CACNA2D3: variants seen among roughly 807,000 people sequenced by gnomAD.
The protein encoded by CACNA2D3 is voltage-dependent calcium channel subunit alpha-2/delta-3.
In CACNA2D3, 60 loss-of-function variants were observed where a neutral mutation model predicts 160.6. The ratio of observed to expected loss-of-function variants is 0.37; its 90% CI spans 0.30 to 0.46. The LOEUF (loss-of-function observed/expected upper bound fraction) is 0.46. Ranked by LOEUF, CACNA2D3 falls within the 20% of genes least tolerant of loss-of-function variation. The probability of loss-of-function intolerance (pLI) is 1.00; values close to 1 mark genes in which losing one functional copy is unlikely to be tolerated. For synonymous variants in CACNA2D3, 558 were observed against 492.9 expected, an observed-to-expected ratio of 1.13 and a Z score of -1.75; for missense variants, 1,205 against 1,365.0, an observed-to-expected ratio of 0.88 and a Z score of 1.85.
chr3:54,993,885 AGTGTGTGTGT>A (rs34012508), intron 31 of CACNA2D3, among the ~76,000 whole-genome samples: 293 of 111,544 alleles, frequency 2.6e-3, no homozygotes, highest in East Asian at 0.012. Flanking sequence ...TGCAACTGCT[AGTGTGTGTGT>A]GTGTGTGTGT....
At chr3:54,970,948 C>T (rs904409434) in intron 29 of CACNA2D3, among the ~76,000 whole-genome samples, 15 of 151,876 alleles carry the variant, frequency 9.9e-5, no homozygotes, top group Admixed American at 9.8e-4. Context: ...ACAATTTCAA[C>T]CCAGAAAACA....
At chr3:54,596,695 C>T (rs1702961335) in intron 9 of CACNA2D3, among the ~76,000 whole-genome samples, 1 of 152,082 alleles carries the variant, frequency 6.6e-6, no homozygotes, top group South Asian at 2.1e-4. Flanking sequence ...CCTGATCCAG[C>T]CAAATCAAAA....
intron 4 of CACNA2D3, among the ~76,000 whole-genome samples, chr3:54,445,008 G>A (rs1458801655): frequency 6.6e-6 from 1 of 152,210 alleles, no homozygotes; most frequent in Non-Finnish European, 1.5e-5. Context: ...CCTGCCATGA[G>A]GGAGTCTCAG....
chr3:54,231,186 AG>A (rs1279410667), intron 2 of CACNA2D3, among the ~76,000 whole-genome samples: 2 of 152,134 alleles, frequency 1.3e-5, no homozygotes, highest in Non-Finnish European at 2.9e-5. Context: ...TAGGGTCTCT[AG>A]GAAGTGGGTG....
At chr3:54,574,510 C>T (rs1223398253) in intron 8 of CACNA2D3, among the ~76,000 whole-genome samples, 1 of 152,142 alleles carries the variant, frequency 6.6e-6, no homozygotes, top group Non-Finnish European at 1.5e-5. Flanking sequence ...CAAGATCTAT[C>T]TAAAATGGAC....
At chr3:54,687,947 T>C (rs558911835) in intron 11 of CACNA2D3, among the ~76,000 whole-genome samples, 25 of 152,332 alleles carry the variant, frequency 1.6e-4, no homozygotes, top group Admixed American at 3.9e-4. Context: ...AACAGGTTTT[T>C]TTTGTTTTGT....
chr3:54,846,235 G>C (rs1441908743), intron 16 of CACNA2D3, among the ~76,000 whole-genome samples, 158 bp from the exon 17 acceptor site: 1 of 152,218 alleles, frequency 6.6e-6, no homozygotes, highest in Non-Finnish European at 1.5e-5. Context: ...AAATGTCAAG[G>C]ATCAGTGCCT....
intron 35 of CACNA2D3, among the ~76,000 whole-genome samples, chr3:55,068,238 G>A (rs1284772184): frequency 6.6e-6 from 1 of 152,210 alleles, no homozygotes; most frequent in African/African-American, 2.4e-5. Context: ...TTATCTGTGT[G>A]TCTCAGGCAG....
chr3:54,429,950 T>C (rs905640633), intron 4 of CACNA2D3, among the ~76,000 whole-genome samples: 1 of 152,194 alleles, frequency 6.6e-6, no homozygotes, highest in Non-Finnish European at 1.5e-5. Context: ...TCTAATTCCC[T>C]GATGATAATC....
At chr3:54,606,504 A>G (rs1698628169) in intron 9 of CACNA2D3, among the ~76,000 whole-genome samples, 1 of 152,078 alleles carries the variant, frequency 6.6e-6, no homozygotes, top group Non-Finnish European at 1.5e-5. Context: ...AGGTGACAGG[A>G]CTTGCTGGCT....
At chr3:54,373,880 G>A (rs892850030) in intron 3 of CACNA2D3, among the ~76,000 whole-genome samples, 7 of 151,992 alleles carry the variant, frequency 4.6e-5, no homozygotes, top group African/African-American at 7.3e-5. Flanking sequence ...GGCCCAAATC[G>A]GTTTCTCAAT....
intron 2 of CACNA2D3, among the ~76,000 whole-genome samples, chr3:54,169,681 GTGTA>G (rs951579771): frequency 1.4e-5 from 2 of 146,920 alleles, no homozygotes; most frequent in Non-Finnish European, 3.0e-5. Context: ...TTGTATGTGT[GTGTA>G]TGTGTGTGCA....
At position 55,033,864 on chromosome 3, in the gene CACNA2D3, A is replaced by ATATATATTATATATTAAATATATTTT. The variant is rs1559469657; in HGVS notation, c.2987+15553_2987+15554insTTATATATTAAATATATTTTTATATA. On this transcript the variant is annotated intron_variant, in intron 35 of 37. Transcript: ENST00000474759. The stretch of plus-strand genomic sequence containing the variant: ...ATATATTACATATTAAATATATTTA[A>ATATATATTATATATTAAATATATTTT]TATATAATATATATTACATATTAAG... Among the ~76,000 whole-genome samples, 14 of 91,624 alleles carry ATATATATTATATATTAAATATATTTT rather than the reference A, an allele frequency of 1.5e-4. 1 individual carries two copies. Among genetic ancestry groups the ATATATATTATATATTAAATATATTTT allele is most frequent in the East Asian group, 1.4e-3 (4 of 2,794 alleles). The allele number at this position is 91,624 out of a possible 152,430, so 60.1% of individuals were successfully genotyped here. A position where few individuals can be genotyped will look rare whatever the true frequency, so the allele number is the denominator to read the frequency against.
chr3:54,455,562 G>T (rs1700383507), intron 4 of CACNA2D3, among the ~76,000 whole-genome samples: 1 of 152,014 alleles, frequency 6.6e-6, no homozygotes, highest in South Asian at 2.1e-4. Flanking sequence ...TTGCTGTGCA[G>T]AAGTATTTTA....
intron 11 of CACNA2D3, among the ~76,000 whole-genome samples, chr3:54,685,352 G>C (rs1178531042): frequency 1.3e-5 from 2 of 152,220 alleles, no homozygotes; most frequent in Non-Finnish European, 1.5e-5. Flanking sequence ...TGCTACTGTA[G>C]CATTAAAGCA....
intron 27 of CACNA2D3, among the ~76,000 whole-genome samples, chr3:54,929,395 T>C (rs77714984): frequency 0.037 from 5,614 of 152,278 alleles, 308 homozygotes; most frequent in African/African-American, 0.12. Context: ...GAGGGAGGTC[T>C]TGACAGAGGG....
intron 27 of CACNA2D3, among the ~76,000 whole-genome samples, chr3:54,930,153 A>G (rs920943788): frequency 6.6e-6 from 1 of 152,224 alleles, no homozygotes; most frequent in Non-Finnish European, 1.5e-5. Context: ...AGGTAGAGGC[A>G]TAGATCGGCC....
At chr3:54,653,705 G>T (rs1246768354) in intron 11 of CACNA2D3, among the ~76,000 whole-genome samples, 1 of 152,198 alleles carries the variant, frequency 6.6e-6, no homozygotes, top group Non-Finnish European at 1.5e-5. Flanking sequence ...CACGGCTGCT[G>T]CCAGCCATTG....
intron 13 of CACNA2D3, among the ~76,000 whole-genome samples, chr3:54,807,736 C>A (rs1575486756): frequency 6.6e-6 from 1 of 151,978 alleles, no homozygotes; most frequent in Non-Finnish European, 1.5e-5. Flanking sequence ...AATCATGCTG[C>A]TATAAAGACA....
Sources: gnomAD v4.1 joint callset for allele counts (sites outside exome capture counted in the v4.1 genomes callset) on GRCh38, gnomAD v4.1.1 for gene constraint, MANE v1.5 for transcripts, NCBI Gene and HGNC (gene_info 2026-07-23, HGNC 2026-07-21) for gene names.